Variants in P2RY12 observed in about 807,000 individuals in gnomAD.
P2RY12 encodes the protein purinergic receptor P2Y12, also known as P2Y purinoceptor 12.
In P2RY12, 3 loss-of-function variants were observed where a neutral mutation model predicts 4.5. The ratio of observed to expected loss-of-function variants is 0.67; its 90% CI spans 0.31 to 1.74. The LOEUF (loss-of-function observed/expected upper bound fraction) is 1.74, where lower values mean the gene tolerates loss of function less well. Among genes scored for constraint, P2RY12 ranks in the 40% most tolerant of loss-of-function variants. The probability of loss-of-function intolerance (pLI) is 0.09; values close to 1 mark genes in which losing one functional copy is unlikely to be tolerated. For missense variants in P2RY12, 356 were observed against 407.8 expected (o/e 0.87, Z 1.09); for synonymous variants, 148 against 154.1 (o/e 0.96, Z 0.29).
chr3:151,367,962 ACTG>A (rs761932902), intron 1 of P2RY12, among the ~76,000 whole-genome samples: 29 of 152,138 alleles, frequency 1.9e-4, no homozygotes, highest in Non-Finnish European at 3.7e-4. Flanking sequence ...AAGGTGGGAA[ACTG>A]CTATGTTACA....
At chr3:151,355,186 T>A (rs1753756043) in intron 1 of P2RY12, 1 of 1,613,852 alleles carries the variant, frequency 6.2e-7, no homozygotes, top group Non-Finnish European at 8.5e-7. Flanking sequence ...GGAGACTGTG[T>A]TCACTAAACT....
chr3:151,372,597 G>C (rs775604308), intron 1 of P2RY12: 2 of 1,613,818 alleles, frequency 1.2e-6, no homozygotes. Flanking sequence ...AACAGTGTCA[G>C]CTCTTTAAAG....
chr3:151,359,546 A>C (rs1481990490), intron 1 of P2RY12, among the ~76,000 whole-genome samples: 1 of 152,112 alleles, frequency 6.6e-6, no homozygotes, highest in African/African-American at 2.4e-5. Context: ...TGAATAGTAC[A>C]GAGGAGTTTG....
intron 1 of P2RY12, among the ~76,000 whole-genome samples, chr3:151,346,905 T>C (rs1216609419): frequency 1.3e-5 from 2 of 152,198 alleles, no homozygotes; most frequent in Admixed American, 6.5e-5. Context: ...AGTTCCCTGC[T>C]GTTATAATGT....
At chr3:151,371,438 C>T (rs7637803) in intron 1 of P2RY12, among the ~76,000 whole-genome samples, 35,574 of 152,108 alleles carry the variant, frequency 0.23, 4,517 homozygotes, top group Middle Eastern at 0.37. Context: ...TAAAGTGAAG[C>T]TGGTACTCTT....
chr3:151,361,494 A>G (rs890066465), intron 1 of P2RY12, among the ~76,000 whole-genome samples: 5 of 152,164 alleles, frequency 3.3e-5, no homozygotes, highest in African/African-American at 9.7e-5. Context: ...CCTACTTGCT[A>G]TCTTAGACTT....
intron 1 of P2RY12, among the ~76,000 whole-genome samples, chr3:151,382,068 T>G (rs1355851325): frequency 6.6e-6 from 1 of 152,198 alleles, no homozygotes; most frequent in Non-Finnish European, 1.5e-5. Flanking sequence ...AGCAAATTTT[T>G]CCTTTTCCAG....
At chr3:151,341,462 G>A (rs1751810729) in intron 1 of P2RY12, among the ~76,000 whole-genome samples, 1 of 151,820 alleles carries the variant, frequency 6.6e-6, no homozygotes, top group Admixed American at 6.6e-5. Context: ...TTAAATTAAG[G>A]CATCCTTGTA....
chr3:151,338,447 G>C lies in P2RY12; in HGVS notation c.399C>G (p.Ser133=). Residue 133 remains serine, a synonymous_variant, in exon 3 of 3, where the codon TCC becomes TCG. Transcript: ENST00000302632. The part of the protein sequence containing the change: ...YQKTTRPFKT[S]NPKNLLGAKI... Reference sequence around the variant, plus strand: ...TAGCCCCCAAGAGATTTTTGGGGTTGGATGTTTTAAATGGCCTGGTGGTCT... The same window carrying C: ...TAGCCCCCAAGAGATTTTTGGGGTTCGATGTTTTAAATGGCCTGGTGGTCT... The C allele has an allele frequency of 6.2e-7, 1 of 1,614,028 alleles. No individual in the cohort carries two copies. The highest frequency in any genetic ancestry group is 8.5e-7 in the Non-Finnish European group (1 of 1,180,012).
At position 151,337,537 on chromosome 3, in the gene P2RY12, T is replaced by A. The variant is rs1250723605; in HGVS notation, c.*280A>T. ...ATATGATTACTCATTTTGGCAAAAC[T>A]CTGCAAAACATGAATTCTGTGTAGT... On this transcript the variant is annotated 3_prime_UTR_variant, in exon 3 of 3. Coordinates refer to ENST00000302632, the MANE Select transcript of P2RY12 (RefSeq NM_022788.5). The A allele has an allele frequency of 3.0e-6, 1 of 336,466 alleles. No homozygotes were observed. Among genetic ancestry groups the A allele is most frequent in the South Asian group, 5.2e-5 (1 of 19,138 alleles). The allele number at this position is 336,466 out of a possible 1,614,324, so 20.8% of individuals were successfully genotyped here. A position where few individuals can be genotyped will look rare whatever the true frequency, so the allele number is the denominator to read the frequency against.
At chr3:151,376,667 T>G in intron 1 of P2RY12, 2 of 741,882 alleles carry the variant, frequency 2.7e-6, no homozygotes, top group Non-Finnish European at 4.5e-6. Flanking sequence ...ATTGGGAACC[T>G]TTTGACTCAT....
At chr3:151,365,082 C>G in intron 1 of P2RY12, 1 of 1,614,080 alleles carries the variant, frequency 6.2e-7, no homozygotes, top group Non-Finnish European at 8.5e-7. Context: ...TATTGAGAAT[C>G]CCTCAGCCCG....
chr3:151,364,224 G>C (rs1460131857), intron 1 of P2RY12, among the ~76,000 whole-genome samples: 1 of 152,152 alleles, frequency 6.6e-6, no homozygotes, highest in Non-Finnish European at 1.5e-5. Flanking sequence ...TCACAGAGCA[G>C]GTTTGGAGGA....
intron 1 of P2RY12, among the ~76,000 whole-genome samples, chr3:151,366,865 G>GT (rs1195814549): frequency 3.3e-5 from 5 of 151,924 alleles, no homozygotes; most frequent in African/African-American, 4.8e-5. Context: ...TCTCTTAGTT[G>GT]TTTTTTTAAA....
intron 1 of P2RY12, among the ~76,000 whole-genome samples, chr3:151,344,615 C>G (rs1225165119): frequency 6.6e-6 from 1 of 152,120 alleles, no homozygotes; most frequent in Non-Finnish European, 1.5e-5. Flanking sequence ...CGGATATATA[C>G]TGGATTTGCA....
intron 1 of P2RY12, chr3:151,357,363 C>T: frequency 6.2e-7 from 1 of 1,608,830 alleles, no homozygotes; most frequent in Non-Finnish European, 8.5e-7. Flanking sequence ...TCAGACAGCC[C>T]AGGTGTTTGA....
At chr3:151,341,580 T>A (rs1326400989) in intron 1 of P2RY12, among the ~76,000 whole-genome samples, 2 of 148,742 alleles carry the variant, frequency 1.3e-5, no homozygotes, top group African/African-American at 5.0e-5. Context: ...TTTTTTTTAA[T>A]TTTATTATTA....
chr3:151,360,519 T>G, intron 1 of P2RY12: 3 of 1,612,974 alleles, frequency 1.9e-6, no homozygotes, highest in Non-Finnish European at 2.5e-6. Flanking sequence ...CAGAATGTTC[T>G]TCCCCTGAAA....
intron 1 of P2RY12, among the ~76,000 whole-genome samples, chr3:151,380,966 C>G (rs1712221557): frequency 6.6e-6 from 1 of 152,134 alleles, no homozygotes; most frequent in African/African-American, 2.4e-5. Context: ...ACCAAGTACA[C>G]AAGAAATAAA....
Sources: allele counts gnomAD v4.1 joint callset (sites outside exome capture counted in the v4.1 genomes callset), GRCh38; gene constraint gnomAD v4.1.1; transcripts MANE v1.5; gene names NCBI Gene and HGNC (gene_info 2026-07-23, HGNC 2026-07-21).